Variants in PGM5 observed in about 807,000 individuals in gnomAD.
PGM5 encodes the protein phosphoglucomutase 5.
In PGM5, 23 loss-of-function variants were observed where a neutral mutation model predicts 59.2. That is an observed-to-expected ratio of 0.39 (90% CI 0.28 to 0.55). The LOEUF (loss-of-function observed/expected upper bound fraction) is 0.55, where lower values mean the gene tolerates loss of function less well. Among genes scored for constraint, PGM5 ranks in the 20% least tolerant of loss-of-function variants. PGM5 has a pLI of 0.66. For missense variants in PGM5, 574 were observed against 748.3 expected (o/e 0.77, Z 2.72); for synonymous variants, 214 against 286.0 (o/e 0.75, Z 2.54).
At chr9:68,358,569 G>A (rs1451428899) in intron 1 of PGM5, among the ~76,000 whole-genome samples, 1 of 152,196 alleles carries the variant, frequency 6.6e-6, no homozygotes, top group Non-Finnish European at 1.5e-5. Context: ...GTATAAATGA[G>A]TGTTAACATC....
At chr9:68,459,471 G>A (rs529611271) in intron 6 of PGM5, among the ~76,000 whole-genome samples, 5 of 152,228 alleles carry the variant, frequency 3.3e-5, no homozygotes, top group Non-Finnish European at 7.4e-5. Flanking sequence ...ATTCCTCTGG[G>A]TCTGGCTTAT....
intron 6 of PGM5, chr9:68,400,706 C>A (rs1822644841): frequency 6.6e-6 from 1 of 152,308 alleles, no homozygotes; most frequent in Admixed American, 6.6e-5. Context: ...TAAAACTATG[C>A]CTGATTTGTG....
intron 6 of PGM5, among the ~76,000 whole-genome samples, chr9:68,414,101 CCT>C (rs1214391727): frequency 6.6e-6 from 1 of 152,192 alleles, no homozygotes; most frequent in African/African-American, 2.4e-5. Flanking sequence ...CTTCTTGCTT[CCT>C]CTCTCTCCAT....
intron 6 of PGM5, among the ~76,000 whole-genome samples, chr9:68,442,151 C>A (rs1823538061): frequency 6.6e-6 from 1 of 152,100 alleles, no homozygotes; most frequent in African/African-American, 2.4e-5. Flanking sequence ...TAGATTAATA[C>A]AATTCCAATA....
chr9:68,522,985 C>T (rs1824921158), intron 10 of PGM5, among the ~76,000 whole-genome samples: 3 of 152,216 alleles, frequency 2.0e-5, no homozygotes, highest in African/African-American at 4.8e-5. Flanking sequence ...CTTATGCCCT[C>T]ATGGTTAATT....
intron 3 of PGM5, among the ~76,000 whole-genome samples, chr9:68,385,565 T>C (rs1554678784): frequency 6.6e-6 from 1 of 152,058 alleles, no homozygotes; most frequent in Admixed American, 6.6e-5. Flanking sequence ...TGATACTCAC[T>C]GGAAGCAACA....
chr9:68,416,977 A>AT (rs1264778701), intron 6 of PGM5, among the ~76,000 whole-genome samples: 1 of 152,118 alleles, frequency 6.6e-6, no homozygotes. Context: ...ATGTTGACAG[A>AT]TTTTTTTTCC....
intron 6 of PGM5, chr9:68,395,789 A>C (rs1230437464): frequency 6.6e-6 from 1 of 152,096 alleles, no homozygotes; most frequent in African/African-American, 2.4e-5. Flanking sequence ...AGAGGGGAGA[A>C]GAATCACCTA....
Position 68,391,618 on chromosome 9 carries a change from A to T in PGM5, c.782A>T (p.Asp261Val), listed in dbSNP as rs782300814. ...NSAINCVPLE[D>V]FGGQHPDPNL... ...GCAATAAACTGTGTTCCCCTGGAAG[A>T]CTTTGGAGGGCAGCACCCTGACCCA... Residue 261 changes from aspartate (D) to valine (V), a missense_variant, in exon 5 of 11, where the codon GAC becomes GTC. Physicochemically the swap from Asp to Val is radical, Grantham distance 152. Transcript: ENST00000396396. 2 of 1,613,368 alleles carry T rather than the reference A, an allele frequency of 1.2e-6. No homozygotes were observed. The highest frequency in any genetic ancestry group is 1.1e-5 in the South Asian group (1 of 91,070).
intron 1 of PGM5, among the ~76,000 whole-genome samples, chr9:68,377,375 T>C (rs1435537405): frequency 2.0e-5 from 3 of 152,166 alleles, no homozygotes; most frequent in Non-Finnish European, 4.4e-5. Flanking sequence ...ACCCCAGAGA[T>C]TGCAATATAA....
intron 1 of PGM5, among the ~76,000 whole-genome samples, chr9:68,376,519 G>GTT (rs1821889851): frequency 7.0e-6 from 1 of 142,030 alleles, no homozygotes; most frequent in Admixed American, 7.0e-5. Context: ...GTGTGTGTGT[G>GTT]TGTGTTTTGA....
intron 10 of PGM5, among the ~76,000 whole-genome samples, chr9:68,523,791 A>T (rs530697873): frequency 1.7e-4 from 26 of 152,294 alleles, no homozygotes; most frequent in African/African-American, 5.3e-4. Context: ...CACATTCCTC[A>T]TAGAGACCAG....
intron 10 of PGM5, among the ~76,000 whole-genome samples, chr9:68,509,159 C>G (rs1554689204): frequency 6.6e-6 from 1 of 152,124 alleles, no homozygotes; most frequent in Non-Finnish European, 1.5e-5. Flanking sequence ...AAGTTTGATG[C>G]CCTAATCCCA....
At chr9:68,372,776 A>G (rs1228228224) in intron 1 of PGM5, among the ~76,000 whole-genome samples, 11 of 152,292 alleles carry the variant, frequency 7.2e-5, no homozygotes, top group Non-Finnish European at 1.2e-4. Flanking sequence ...GCTTTTACAC[A>G]TGGCGGATGA....
chr9:68,465,035 G>GAA, intron 6 of PGM5, 58 bp from the exon 7 acceptor site: 10 of 1,106,708 alleles, frequency 9.0e-6, no homozygotes, highest in East Asian at 2.5e-5. Context: ...ACTGTGCTGA[G>GAA]AAAAAAAAAC....
intron 7 of PGM5, among the ~76,000 whole-genome samples, chr9:68,478,630 T>C (rs7042601): frequency 0.068 from 10,346 of 152,290 alleles, 714 homozygotes; most frequent in East Asian, 0.35. Context: ...TCTTTCAGTT[T>C]CTGGTGGCTC....
chr9:68,377,282 G>A (rs1264313763), intron 1 of PGM5, among the ~76,000 whole-genome samples: 1 of 152,116 alleles, frequency 6.6e-6, no homozygotes, highest in Non-Finnish European at 1.5e-5. Context: ...AGCCCTTTGA[G>A]TAACAAGGGG....
chr9:68,432,477 A>C (rs1322956230), intron 6 of PGM5, among the ~76,000 whole-genome samples: 2 of 152,148 alleles, frequency 1.3e-5, no homozygotes, highest in African/African-American at 4.8e-5. Flanking sequence ...GTGAGATTAC[A>C]GGCGTGAGCC....
intron 1 of PGM5, among the ~76,000 whole-genome samples, chr9:68,370,217 T>C (rs1821649782): frequency 6.6e-6 from 1 of 151,136 alleles, no homozygotes; most frequent in African/African-American, 2.4e-5. Context: ...TGGGGAGTGA[T>C]AGGGATTATA....
Sources: gnomAD v4.1 joint callset for allele counts (sites outside exome capture counted in the v4.1 genomes callset) on GRCh38, gnomAD v4.1.1 for gene constraint, MANE v1.5 for transcripts, NCBI Gene and HGNC (gene_info 2026-07-23, HGNC 2026-07-21) for gene names.